The following KLHL12 variants were observed in gnomAD, a reference collection of about 807,000 sequenced individuals.
The protein encoded by KLHL12 is kelch like family member 12, also known as kelch-like protein 12.
KLHL12 carries 17 observed loss-of-function variants against 60.8 expected under a neutral mutation model. The ratio of observed to expected loss-of-function variants is 0.28; its 90% CI spans 0.19 to 0.42. The LOEUF is 0.42. Ranked by LOEUF, KLHL12 falls within the 10% of genes least tolerant of loss-of-function variation. The probability of loss-of-function intolerance (pLI) is 1.00; values close to 1 mark genes in which losing one functional copy is unlikely to be tolerated. For synonymous variants in KLHL12, 220 were observed against 250.9 expected (o/e 0.88, Z 1.16); for missense variants, 468 against 722.3 (o/e 0.65, Z 4.04).
rs1407145565 is a variant in KLHL12 at position 202,895,554 on chromosome 1, C to G, written c.1103G>C (p.Arg368Pro). The change falls in exon 8 of 12, where the codon CGA (arginine) becomes CCA (proline). Residue 368 changes from arginine (R) to proline (P), a missense_variant. By Grantham distance (103) the Arg-to-Pro change is moderately radical. Coordinates refer to ENST00000367261, the MANE Select transcript of KLHL12 (RefSeq NM_021633.4). The surrounding 1 kb of genome is among the most constrained non-coding windows in gnomAD (Gnocchi z 4.2). ...VWYSVAPMNV[R>P]RGLAGATTLG... ...GGTGGTGGCTCCAGCAAGACCTCGTCGGACATTCATAGGGGCCACAGAATA... is the reference window on the plus strand; with the variant it reads ...GGTGGTGGCTCCAGCAAGACCTCGTGGGACATTCATAGGGGCCACAGAATA... 1 of 1,613,930 alleles carries G rather than the reference C, an allele frequency of 6.2e-7. No homozygotes were observed. Among genetic ancestry groups the G allele is most frequent in the Admixed American group, 1.7e-5 (1 of 59,980 alleles).
At chr1:202,920,369 A>ATTTTTTTTTTTTTTTTTTTTTTTT (rs951695987) in intron 2 of KLHL12, among the ~76,000 whole-genome samples, 2 of 83,806 alleles carry the variant, frequency 2.4e-5, no homozygotes, top group Non-Finnish European at 4.2e-5. Context: ...ATTTTGTTGG[A>ATTTTTTTTTTTTTTTTTTTTTTTT]TTTTTTTTTT....
At position 202,894,398 on chromosome 1, in the gene KLHL12, C is replaced by G. The variant is rs868338281; in HGVS notation, c.1295-116G>C. 31 of 905,464 alleles carry G rather than the reference C, an allele frequency of 3.4e-5. No individual in the cohort carries two copies. The African/African-American group carries it at 4.8e-4, about 14-fold the overall frequency. 56.1% of individuals were successfully genotyped at this position (905,464 alleles called of 1,614,324 possible). Reference sequence around the variant, plus strand: ...AGTTTCAATTTTCCCACAAGAGTTCCAATAACTCTAAGAGAAATCTGACAT... The same window carrying G: ...AGTTTCAATTTTCCCACAAGAGTTCGAATAACTCTAAGAGAAATCTGACAT... On this transcript the variant is annotated intron_variant, in intron 9 of 11. Transcript: ENST00000367261.
At chr1:202,912,895 G>A (rs1181229616) in intron 4 of KLHL12, among the ~76,000 whole-genome samples, 1 of 152,132 alleles carries the variant, frequency 6.6e-6, no homozygotes, top group African/African-American at 2.4e-5. Context: ...CAAAAAACTC[G>A]AGGACTGTAT....
chr1:202,918,108 C>T, intron 4 of KLHL12, 63 bp downstream of exon 4: 3 of 1,221,590 alleles, frequency 2.5e-6, no homozygotes, highest in Non-Finnish European at 3.6e-6. Context: ...TAACTGCATC[C>T]TATTTGCAAG....
In KLHL12 at chr1:202,911,749, C is replaced by T. The variant is rs771074229; in HGVS notation, c.568-546G>A. 17 of 645,548 alleles carry T rather than the reference C, an allele frequency of 2.6e-5. No homozygotes were observed. The Admixed American group carries it at 3.1e-4, about 12-fold the overall frequency. 40.0% of individuals were successfully genotyped at this position (645,548 alleles called of 1,614,324 possible). On this transcript the variant is annotated intron_variant, in intron 4 of 11. Transcript: ENST00000367261. The stretch of plus-strand genomic sequence containing the variant: ...ATGTTGCAGTTTTCAAAAGCATTAT[C>T]GCCTTTCTGCCTGTGGACGCCGCCG...
At chr1:202,902,743 A>G (rs984814227) in intron 6 of KLHL12, among the ~76,000 whole-genome samples, 2 of 152,120 alleles carry the variant, frequency 1.3e-5, no homozygotes, top group African/African-American at 4.8e-5. Flanking sequence ...TAACCCTAGC[A>G]CTTTGGGAGG....
At position 202,919,082 on chromosome 1, in the gene KLHL12, T is replaced by G. The variant is rs77503044; in HGVS notation, c.349+673A>C. ...CTGAGCAACATAGAGAGAACTCATC[T>G]CCACACAAAAAAATTTTGTTTTAAT... On this transcript the variant is annotated intron_variant, in intron 3 of 11. Transcript: ENST00000367261. Among the ~76,000 whole-genome samples the G allele has an allele frequency of 4.3e-3, 660 of 152,234 alleles. 3 individuals carry two copies. The highest frequency in any genetic ancestry group is 0.015 in the African/African-American group (635 of 41,534).
intron 4 of KLHL12, chr1:202,911,761 T>G (rs1392567829): frequency 6.0e-6 from 4 of 663,148 alleles, no homozygotes; most frequent in East Asian, 2.5e-5. Context: ...CCTTTCTGCC[T>G]GTGGACGCCG....
Position 202,927,160 on chromosome 1 carries a change from T to C in KLHL12, c.-117A>G, listed in dbSNP as rs764995481. On this transcript the variant is annotated 5_prime_UTR_variant, in exon 1 of 12. Transcript: ENST00000367261. ...GTGGGGATGGAGTGCGGCGCGGGGC[T>C]AGCAGGCGGCTCGGGAGGAGCCGAA... The C allele has an allele frequency of 2.8e-5, 28 of 985,090 alleles. 1 individual carries two copies. In the South Asian group the frequency reaches 5.2e-4, roughly 18 times the overall value. The allele number at this position is 985,090 out of a possible 1,614,324, so 61.0% of individuals were successfully genotyped here. A position where few individuals can be genotyped will look rare whatever the true frequency, so the allele number is the denominator to read the frequency against.
intron 6 of KLHL12, among the ~76,000 whole-genome samples, chr1:202,897,238 T>C (rs1373521338): frequency 3.4e-5 from 5 of 145,894 alleles, no homozygotes; most frequent in South Asian, 2.3e-4. Context: ...CTTTTTTTTT[T>C]TTTTTTTTTT....
chr1:202,910,690 A>C (rs1660326638), intron 5 of KLHL12, among the ~76,000 whole-genome samples: 1 of 152,220 alleles, frequency 6.6e-6, no homozygotes, highest in Non-Finnish European at 1.5e-5. Flanking sequence ...CTTTACCAGA[A>C]GTCAAAAATG....
At chr1:202,897,885 A>G (rs1255397038) in intron 6 of KLHL12, among the ~76,000 whole-genome samples, 1 of 152,026 alleles carries the variant, frequency 6.6e-6, no homozygotes, top group Non-Finnish European at 1.5e-5. Context: ...TCTCTTTTCC[A>G]TGAACACTTC....
At chr1:202,924,670 A>C (rs566401401) in intron 2 of KLHL12, among the ~76,000 whole-genome samples, 80 of 152,354 alleles carry the variant, frequency 5.3e-4, no homozygotes, top group African/African-American at 1.9e-3. Flanking sequence ...GTAAAATCCA[A>C]TAGCTGACAT....
chr1:202,903,044 C>T (rs1660059531), intron 6 of KLHL12, among the ~76,000 whole-genome samples: 1 of 151,300 alleles, frequency 6.6e-6, no homozygotes, highest in South Asian at 2.1e-4. Flanking sequence ...GCCTGTAGTC[C>T]CAGCTACTGA....
chr1:202,908,148 T>C (rs1395519478), intron 6 of KLHL12, among the ~76,000 whole-genome samples: 2 of 152,186 alleles, frequency 1.3e-5, no homozygotes, highest in African/African-American at 4.8e-5. Context: ...GTGGAAAGTA[T>C]GGTGATATCT....
At chr1:202,901,501 T>C (rs1660006040) in intron 6 of KLHL12, among the ~76,000 whole-genome samples, 1 of 151,116 alleles carries the variant, frequency 6.6e-6, no homozygotes, top group African/African-American at 2.4e-5. Context: ...GAGGTCTCAC[T>C]ATGTTGCTCA....
Position 202,924,984 on chromosome 1 carries a change from G to A in KLHL12, c.179C>T (p.Ala60Val). Residue 60 changes from alanine to valine, a missense_variant, in exon 2 of 12, where the codon GCC becomes GTC. By Grantham distance (64) the Ala-to-Val change is moderately conservative (BLOSUM62 0). Transcript: ENST00000367261. The stretch of plus-strand genomic sequence containing the variant: ...ACCACTTACCTCACTAGTGAACATG[G>A]CACAGAAGTAATCACTACAGGCAGC... ...VLAACSDYFC[A>V]MFTSELSEKG... 6.2e-7 allele frequency: 1 copy of A among 1,614,074 alleles called. No individual in the cohort carries two copies. Among genetic ancestry groups the A allele is most frequent in the Non-Finnish European group, 8.5e-7 (1 of 1,179,986 alleles).
chr1:202,918,604 G>C (rs1189684282), intron 3 of KLHL12, among the ~76,000 whole-genome samples: 1 of 152,162 alleles, frequency 6.6e-6, no homozygotes, highest in East Asian at 1.9e-4. Flanking sequence ...ACCTGTCTCT[G>C]CTTAATCTTT....
At chr1:202,912,330 C>T in intron 4 of KLHL12, 1 of 795,412 alleles carries the variant, frequency 1.3e-6, no homozygotes, top group Non-Finnish European at 2.2e-6. Flanking sequence ...TACGAATGGC[C>T]ATAACTGTGA....
Sources: gnomAD v4.1 joint callset for allele counts (sites outside exome capture counted in the v4.1 genomes callset) on GRCh38, gnomAD v4.1.1 for gene constraint, Gnocchi (gnomAD v3.1) non-coding constraint, MANE v1.5 for transcripts, NCBI Gene and HGNC (gene_info 2026-07-23, HGNC 2026-07-21) for gene names.